Variants in SLC18A2 observed in about 807,000 individuals in gnomAD.
The protein encoded by SLC18A2 is solute carrier family 18 member A2, also known as synaptic vesicular amine transporter.
SLC18A2 carries 33 observed loss-of-function variants against 59.2 expected under a neutral mutation model. The ratio of observed to expected loss-of-function variants is 0.56; its 90% CI spans 0.42 to 0.75. SLC18A2 has a LOEUF of 0.75. Among genes scored for constraint, SLC18A2 ranks in the 30% least tolerant of loss-of-function variants. The pLI is 0.00. For missense variants in SLC18A2, 569 were observed against 668.6 expected, an observed-to-expected ratio of 0.85 and a Z score of 1.64; for synonymous variants, 228 against 253.5, an observed-to-expected ratio of 0.90 and a Z score of 0.95.
chr10:117,258,597 T>G (rs1486966790), intron 10 of SLC18A2, among the ~76,000 whole-genome samples: 1 of 152,188 alleles, frequency 6.6e-6, no homozygotes, highest in Non-Finnish European at 1.5e-5. Flanking sequence ...AAGTTACACA[T>G]GTACATAATT....
At chr10:117,265,080 G>T (rs540032080) in intron 10 of SLC18A2, among the ~76,000 whole-genome samples, 33 of 152,204 alleles carry the variant, frequency 2.2e-4, no homozygotes, top group Non-Finnish European at 1.5e-4. Flanking sequence ...TGCTCAATCA[G>T]ATTACACTGA....
At chr10:117,257,686 TAA>T in intron 9 of SLC18A2, 109 bp from the exon 10 acceptor site, 1 of 550,260 alleles carries the variant, frequency 1.8e-6, no homozygotes, top group Non-Finnish European at 3.2e-6. Flanking sequence ...ATCCTTTACT[TAA>T]TGAAAGTAGA....
chr10:117,242,264 A>G (rs2133724451), intron 2 of SLC18A2, among the ~76,000 whole-genome samples: 1 of 152,326 alleles, frequency 6.6e-6, no homozygotes, highest in Non-Finnish European at 1.5e-5. Context: ...ATTTAGATAT[A>G]CTGTATTAGT....
intron 15 of SLC18A2, among the ~76,000 whole-genome samples, chr10:117,275,086 G>A (rs542704735): frequency 6.6e-6 from 1 of 152,210 alleles, no homozygotes; most frequent in East Asian, 1.9e-4. Context: ...GACATTTATT[G>A]TTAGGGGGGT....
intron 6 of SLC18A2, 141 bp from the exon 7 acceptor site, chr10:117,255,136 C>T: frequency 1.3e-6 from 1 of 742,070 alleles, no homozygotes. Context: ...TGAACTCTAA[C>T]CGAACAGAAC....
chr10:117,270,066 T>C lies in SLC18A2; in HGVS notation c.1187-5T>C, dbSNP rs1589985610. 33 of 1,614,154 alleles carry C rather than the reference T, an allele frequency of 2.0e-5. No individual in the cohort carries two copies. The highest frequency in any genetic ancestry group is 2.7e-5 in the Non-Finnish European group (32 of 1,180,004). ...CTATACACTGTGTTCCCTGACTGTCTTCAGGAATGGTGGATTCGTCAATGA... is the reference window on the plus strand; with the variant it reads ...CTATACACTGTGTTCCCTGACTGTCCTCAGGAATGGTGGATTCGTCAATGA... On this transcript the variant is annotated splice_region_variant and splice_polypyrimidine_tract_variant and intron_variant, in intron 13 of 15. Coordinates refer to ENST00000644641, the MANE Select transcript of SLC18A2 (RefSeq NM_003054.6).
intron 15 of SLC18A2, among the ~76,000 whole-genome samples, chr10:117,272,124 T>C (rs979664611): frequency 1.3e-5 from 2 of 152,156 alleles, no homozygotes; most frequent in Non-Finnish European, 2.9e-5. Flanking sequence ...GTCTACCTCA[T>C]AGGATTGTTG....
At chr10:117,254,227 C>A in intron 5 of SLC18A2, 96 bp downstream of exon 5, 1 of 1,349,204 alleles carries the variant, frequency 7.4e-7, no homozygotes, top group Non-Finnish European at 1.0e-6. Context: ...GGTTGGGGTG[C>A]TGGGGATTCT....
Position 117,241,690 on chromosome 10 carries a change from A to G in SLC18A2, c.-4A>G, listed in dbSNP as rs1477416023. The G allele has an allele frequency of 3.8e-6, 6 of 1,583,734 alleles. No homozygotes were observed. The highest frequency in any genetic ancestry group is 5.1e-6 in the Non-Finnish European group (6 of 1,167,056). ...CACCGCGCCCGCAGCGGAGCCCCGGAGCCATGGCCCTGAGCGAGCTGGCGC... is the reference window on the plus strand; with the variant it reads ...CACCGCGCCCGCAGCGGAGCCCCGGGGCCATGGCCCTGAGCGAGCTGGCGC... On this transcript the variant is annotated 5_prime_UTR_variant, in exon 2 of 16. Coordinates refer to ENST00000644641, the MANE Select transcript of SLC18A2 (RefSeq NM_003054.6).
At chr10:117,271,708 C>CT (rs1844429839) in intron 15 of SLC18A2, among the ~76,000 whole-genome samples, 1 of 152,182 alleles carries the variant, frequency 6.6e-6, no homozygotes, top group African/African-American at 2.4e-5. Flanking sequence ...ACCACATCAC[C>CT]TTCTCAGACC....
intron 3 of SLC18A2, among the ~76,000 whole-genome samples, chr10:117,247,160 GCAAA>G (rs1310867422): frequency 6.6e-6 from 1 of 152,376 alleles, no homozygotes; most frequent in East Asian, 1.9e-4. Flanking sequence ...GTGAGCCATT[GCAAA>G]CAGTCTTTTG....
chr10:117,276,918 T>A (rs1181193914), intron 15 of SLC18A2, among the ~76,000 whole-genome samples: 2 of 152,210 alleles, frequency 1.3e-5, no homozygotes, highest in South Asian at 4.1e-4. Flanking sequence ...AGTGGACTTA[T>A]GGCCCCTGAC....
rs1174299449 is a variant in SLC18A2, at chr10:117,278,491, C to T, written c.*1225C>T. ...ACATTGATGTGCCTTTTCAGTGTAACAGCAAATACTGTTAGTGAACATTGT... is the reference window on the plus strand; with the variant it reads ...ACATTGATGTGCCTTTTCAGTGTAATAGCAAATACTGTTAGTGAACATTGT... On this transcript the variant is annotated 3_prime_UTR_variant, in exon 16 of 16. Transcript: ENST00000644641. The T allele has an allele frequency of 6.6e-6, 1 of 152,174 alleles. No individual in the cohort carries two copies. Among genetic ancestry groups the T allele is most frequent in the African/African-American group, 2.4e-5 (1 of 41,442 alleles). The allele number at this position is 152,174 out of a possible 1,614,324, so 9.4% of individuals were successfully genotyped here. A position where few individuals can be genotyped will look rare whatever the true frequency, so the allele number is the denominator to read the frequency against.
At chr10:117,260,993 G>C (rs1009060485) in intron 10 of SLC18A2, among the ~76,000 whole-genome samples, 3 of 152,188 alleles carry the variant, frequency 2.0e-5, no homozygotes, top group Non-Finnish European at 4.4e-5. Flanking sequence ...TGCTTTGCTA[G>C]TTTTAAGGTG....
chr10:117,244,818 T>C (rs1177237534), intron 3 of SLC18A2, among the ~76,000 whole-genome samples: 1 of 152,200 alleles, frequency 6.6e-6, no homozygotes, highest in Non-Finnish European at 1.5e-5. Flanking sequence ...GACGCACTGG[T>C]GCGCAGATGG....
At chr10:117,276,688 T>C (rs1844499518) in intron 15 of SLC18A2, among the ~76,000 whole-genome samples, 2 of 147,122 alleles carry the variant, frequency 1.4e-5, no homozygotes, top group South Asian at 4.3e-4. Context: ...ATGCAAACAA[T>C]GGAAACGGGT....
At chr10:117,276,167 T>C (rs928222424) in intron 15 of SLC18A2, among the ~76,000 whole-genome samples, 8 of 151,878 alleles carry the variant, frequency 5.3e-5, no homozygotes, top group Admixed American at 6.6e-5. Context: ...TGATGGCATA[T>C]GCATGTAGTC....
At chr10:117,257,380 C>T (rs1330968772) in intron 9 of SLC18A2, among the ~76,000 whole-genome samples, 4 of 151,916 alleles carry the variant, frequency 2.6e-5, no homozygotes, top group African/African-American at 9.7e-5. Flanking sequence ...GAAATGCCCA[C>T]GTATATTGCA....
rs747856201 is a variant in SLC18A2, at chr10:117,255,308, G to A, written c.732G>A (p.Glu244=). The change falls in exon 7 of 16, where the codon GAG becomes GAA. Residue 244 remains glutamate, a synonymous_variant. Coordinates refer to ENST00000644641, the MANE Select transcript of SLC18A2 (RefSeq NM_003054.6). ...VGPPFGSVLY[E]FVGKTAPFLV... ...CCCCCTTCGGGAGTGTGCTCTATGA[G>A]TTTGTGGGGAAGACGGCTCCGTTCC... 1.2e-5 allele frequency: 20 copies of A among 1,614,116 alleles called. No individual in the cohort carries two copies. The East Asian group carries it at 2.7e-4, about 22-fold the overall frequency.
Sources: allele counts gnomAD v4.1 joint callset (sites outside exome capture counted in the v4.1 genomes callset), GRCh38; gene constraint gnomAD v4.1.1; transcripts MANE v1.5; gene names NCBI Gene and HGNC (gene_info 2026-07-23, HGNC 2026-07-21).